Variants in NLRP5 observed in about 807,000 individuals in gnomAD.
NLRP5 encodes the protein NACHT, LRR and PYD domains-containing protein 5.
A neutral mutation model predicts 113.1 loss-of-function variants in NLRP5; 93 were observed. That is an observed-to-expected ratio of 0.82 (90% CI 0.70 to 0.98). The LOEUF (loss-of-function observed/expected upper bound fraction) is 0.98. Ranked by LOEUF, NLRP5 falls within the 50% of genes least tolerant of loss-of-function variation. The probability of loss-of-function intolerance (pLI) is 0.00; values close to 1 mark genes in which losing one functional copy is unlikely to be tolerated. For synonymous variants in NLRP5, 751 were observed against 600.7 expected, an observed-to-expected ratio of 1.25 and a Z score of -3.66; for missense variants, 1,808 against 1,514.3, an observed-to-expected ratio of 1.19 and a Z score of -3.22.
chr19:56,039,380 T>C (rs1983434648), intron 10 of NLRP5, among the ~76,000 whole-genome samples: 1 of 152,180 alleles, frequency 6.6e-6, no homozygotes, highest in African/African-American at 2.4e-5. Flanking sequence ...GCAGCTCCCA[T>C]TCTGGACAGC....
chr19:56,001,557 G>A (rs185547436), intron 1 of NLRP5, among the ~76,000 whole-genome samples: 3 of 152,160 alleles, frequency 2.0e-5, no homozygotes, highest in East Asian at 1.9e-4. Flanking sequence ...AAGGAAAGAC[G>A]GGGGCTAAAT....
At chr19:55,998,132 G>C (rs963965399), upstream of NLRP5, among the ~76,000 whole-genome samples, 3 of 152,024 alleles carry the variant, frequency 2.0e-5, no homozygotes, top group Admixed American at 1.3e-4. Flanking sequence ...AAATTAAGTA[G>C]GAATTCCAAA....
chr19:56,011,840 C>T (rs2867233), intron 3 of NLRP5, among the ~76,000 whole-genome samples: 22,937 of 151,456 alleles, frequency 0.15, 2,176 homozygotes, highest in East Asian at 0.27. Context: ...TACACACGCG[C>T]GCCACCGTGC....
At chr19:55,999,655 T>C, upstream of NLRP5, 1 of 1,131,486 alleles carries the variant, frequency 8.8e-7, no homozygotes, top group Non-Finnish European at 1.3e-6. Context: ...AAGAGGCAGG[T>C]ACTCTGATTT....
chr19:56,055,319 C>T (rs906472014), intron 13 of NLRP5, among the ~76,000 whole-genome samples: 12 of 151,928 alleles, frequency 7.9e-5, no homozygotes, highest in African/African-American at 2.7e-4. Context: ...TGAAGTCACA[C>T]ATTGTTCTTC....
chr19:55,986,819 C>G, the NLRP5 span, among the ~76,000 whole-genome samples: 896 of 152,258 alleles, frequency 5.9e-3, 9 homozygotes, highest in African/African-American at 0.02. Flanking sequence ...AGGTGTGAAG[C>G]TGGTGAGTAT....
chr19:56,041,276 TTG>T (rs1378250969), intron 11 of NLRP5, among the ~76,000 whole-genome samples, 184 bp downstream of exon 11: 1 of 152,110 alleles, frequency 6.6e-6, no homozygotes, highest in East Asian at 1.9e-4. Flanking sequence ...GTGTCTGCCT[TTG>T]TGTTATCTTA....
At chr19:56,012,690 A>G (rs377498391) in intron 3 of NLRP5, among the ~76,000 whole-genome samples, 2 of 151,848 alleles carry the variant, frequency 1.3e-5, no homozygotes, top group South Asian at 4.2e-4. Context: ...CGATCTTACA[A>G]TTATTTTCCC....
At chr19:56,030,242 T>G (rs1599895046) in intron 7 of NLRP5, among the ~76,000 whole-genome samples, 1 of 150,842 alleles carries the variant, frequency 6.6e-6, no homozygotes, top group African/African-American at 2.4e-5. Flanking sequence ...TGGTGGTGGG[T>G]GCCTTTAATC....
At chr19:55,992,508 T>C in the NLRP5 span, among the ~76,000 whole-genome samples, 1 of 152,340 alleles carries the variant, frequency 6.6e-6, no homozygotes, top group Middle Eastern at 3.4e-3. Context: ...TTTCCATTTT[T>C]TCCTGCAACC....
intron 11 of NLRP5, among the ~76,000 whole-genome samples, chr19:56,042,597 C>T (rs1182150356): frequency 6.6e-6 from 1 of 152,142 alleles, no homozygotes; most frequent in Non-Finnish European, 1.5e-5. Flanking sequence ...GATCTGCCTG[C>T]CTCCCAGAGT....
At chr19:56,009,481 A>G (rs34154649) in intron 3 of NLRP5, among the ~76,000 whole-genome samples, 49,708 of 151,710 alleles carry the variant, frequency 0.33, 8,376 homozygotes, top group Admixed American at 0.38. Flanking sequence ...GCTTTGGTGG[A>G]AAGAATCAGA....
At position 56,026,948 on chromosome 19, in the gene NLRP5, G is replaced by T; in HGVS notation, c.715G>T (p.Val239Leu). 2 of 1,551,682 alleles carry T rather than the reference G, an allele frequency of 1.3e-6. No individual in the cohort carries two copies. Among genetic ancestry groups the T allele is most frequent in the Non-Finnish European group, 1.7e-6 (2 of 1,146,992 alleles). Residue 239 changes from valine (V) to leucine (L), a missense_variant, in exon 7 of 15, where the codon GTG (valine) becomes TTG (leucine). Val to Leu is a conservative substitution (Grantham distance 32). Coordinates refer to ENST00000390649, the MANE Select transcript of NLRP5 (RefSeq NM_153447.4). ...TGACACATGGGACTACAAGAGTCAC[G>T]TGATGACCAAATTCGCTGAGGAGGA...
At chr19:56,023,933 T>C (rs997175653) in intron 6 of NLRP5, among the ~76,000 whole-genome samples, 2 of 152,134 alleles carry the variant, frequency 1.3e-5, no homozygotes, top group African/African-American at 2.4e-5. Flanking sequence ...GTAGTACCAG[T>C]AAACTTAAGG....
rs201311338 is a variant in NLRP5 at position 56,027,833 on chromosome 19, A to G, written c.1600A>G (p.Met534Val). The G allele has an allele frequency of 1.7e-4, 277 of 1,614,004 alleles. No homozygotes were observed. In the African/African-American group the frequency reaches 3.2e-3, roughly 19 times the overall value. ...AGTTGTCCTGAAGCGCTTCTGCCGT[A>G]TGGCTGTGGAGGGAGTGTGGAATAG... The change falls in exon 7 of 15, where the codon ATG (methionine) becomes GTG (valine). Residue 534 changes from methionine to valine, a missense_variant. Transcript: ENST00000390649.
intron 11 of NLRP5, among the ~76,000 whole-genome samples, chr19:56,047,962 A>G (rs1333618851): frequency 1.3e-5 from 2 of 152,224 alleles, no homozygotes; most frequent in Non-Finnish European, 2.9e-5. Context: ...CAAGGATTAT[A>G]TAATTATATA....
At position 56,038,021 on chromosome 19, in the gene NLRP5, G is replaced by T; in HGVS notation, c.2616-4G>T. 1 of 1,613,824 alleles carries T rather than the reference G, an allele frequency of 6.2e-7. No individual in the cohort carries two copies. Among genetic ancestry groups the T allele is most frequent in the East Asian group, 2.2e-5 (1 of 44,874 alleles). On this transcript the variant is annotated splice_region_variant and splice_polypyrimidine_tract_variant and intron_variant, in intron 9 of 14. Coordinates refer to ENST00000390649, the MANE Select transcript of NLRP5 (RefSeq NM_153447.4). ...GGATTGCTTCATGCTGCCTGTCTCTGCAGGCTGGATTGCTGTGGATTGACC... is the reference window on the plus strand; with the variant it reads ...GGATTGCTTCATGCTGCCTGTCTCTTCAGGCTGGATTGCTGTGGATTGACC...
In NLRP5 at chr19:56,008,791, A is replaced by T. The variant is rs566544544; in HGVS notation, c.446A>T (p.His149Leu). The change falls in exon 3 of 15, where the codon CAT becomes CTT. Residue 149 changes from histidine (H) to leucine (L), a missense_variant. Transcript: ENST00000390649. Reference sequence around the variant, plus strand: ...TCCCTTTTTCTTTGTCTTCCAGGACATTCACCAGAAGATCCTGAAGCAACG... The same window carrying T: ...TCCCTTTTTCTTTGTCTTCCAGGACTTTCACCAGAAGATCCTGAAGCAACG... 2 of 1,609,396 alleles carry T rather than the reference A, an allele frequency of 1.2e-6. No homozygotes were observed. The highest frequency in any genetic ancestry group is 2.7e-5 in the African/African-American group (2 of 75,010).
intron 6 of NLRP5, among the ~76,000 whole-genome samples, chr19:56,021,190 C>G (rs935997830): frequency 1.3e-5 from 2 of 152,082 alleles, no homozygotes; most frequent in African/African-American, 4.8e-5. Flanking sequence ...CATTTATCAT[C>G]CAGACTTACA....
Sources: allele counts gnomAD v4.1 joint callset (sites outside exome capture counted in the v4.1 genomes callset), GRCh38; gene constraint gnomAD v4.1.1; transcripts MANE v1.5; gene names NCBI Gene and HGNC (gene_info 2026-07-23, HGNC 2026-07-21).